The following TMPRSS5 variants were observed in gnomAD, a reference collection of about 807,000 sequenced individuals.
The protein encoded by TMPRSS5 is transmembrane serine protease 5.
In TMPRSS5, 45 loss-of-function variants were observed where a neutral mutation model predicts 59.7. The ratio of observed to expected loss-of-function variants is 0.75; its 90% CI spans 0.59 to 0.97. The LOEUF (loss-of-function observed/expected upper bound fraction) is 0.97. Ranked by LOEUF, TMPRSS5 falls within the 50% of genes least tolerant of loss-of-function variation. The pLI, the probability that TMPRSS5 is intolerant of heterozygous loss-of-function variation, is 0.00. For synonymous variants in TMPRSS5, 225 were observed against 232.0 expected (o/e 0.97, Z 0.27); for missense variants, 585 against 596.7 (o/e 0.98, Z 0.20).
chr11:113,703,328 A>G (rs912444298), intron 1 of TMPRSS5, among the ~76,000 whole-genome samples: 1 of 152,208 alleles, frequency 6.6e-6, no homozygotes, highest in Admixed American at 6.5e-5. Context: ...TATTTTGACC[A>G]ATTTCTCCCA....
intron 5 of TMPRSS5, 145 bp downstream of exon 5, chr11:113,697,138 T>G: frequency 7.7e-7 from 1 of 1,306,210 alleles, no homozygotes; most frequent in Non-Finnish European, 1.1e-6. Context: ...GGCACCATTG[T>G]GCCCAGAGGC....
At chr11:113,690,133 A>G (rs1304698847) in intron 11 of TMPRSS5, 98 bp downstream of exon 11, 1 of 1,454,452 alleles carries the variant, frequency 6.9e-7, no homozygotes, top group Non-Finnish European at 9.2e-7. Context: ...CACCACTGAC[A>G]AGCTCAGACC....
At chr11:113,692,497 T>C (rs1371476092) in intron 9 of TMPRSS5, among the ~76,000 whole-genome samples, 1 of 152,134 alleles carries the variant, frequency 6.6e-6, no homozygotes, top group Non-Finnish European at 1.5e-5. Flanking sequence ...CACGTGTGTG[T>C]CGGGGAGAGT....
chr11:113,692,778 G>A (rs1952818588), intron 9 of TMPRSS5, among the ~76,000 whole-genome samples: 1 of 152,154 alleles, frequency 6.6e-6, no homozygotes, highest in Admixed American at 6.5e-5. Flanking sequence ...GGACAGGGGT[G>A]GAGCAGCCTA....
intron 1 of TMPRSS5, among the ~76,000 whole-genome samples, chr11:113,701,145 A>G (rs1953119198): frequency 6.6e-6 from 1 of 152,250 alleles, no homozygotes; most frequent in Admixed American, 6.5e-5. Context: ...TAGCAGTGTG[A>G]GAACAAACTA....
intron 11 of TMPRSS5, 56 bp downstream of exon 11, chr11:113,690,175 T>TCCCCACCCCCCCCCCCC: frequency 6.3e-6 from 1 of 159,592 alleles, no homozygotes. Flanking sequence ...GCAGGCCCCC[T>TCCCCACCCCCCCCCCCC]GCCCTCCCAC....
At chr11:113,699,272 C>CCCCCCCCCTCTCTCTCCCT (rs1565263847) in intron 3 of TMPRSS5, among the ~76,000 whole-genome samples, 4 of 24,082 alleles carry the variant, frequency 1.7e-4, no homozygotes, top group East Asian at 1.3e-3. Flanking sequence ...TCTCTCTCTC[C>CCCCCCCCCTCTCTCTCCCT]CTCTCTCTCT....
rs1019222102 is a variant in TMPRSS5 at position 113,697,558 on chromosome 11, C to T, written c.329-140G>A. On this transcript the variant is annotated intron_variant, in intron 4 of 12. Transcript: ENST00000299882. ...ATCACCCAGTGCCAAGTTCCCTGCTCCCCGGAGAGTGAGACCAGTCCCAAG... is the reference window on the plus strand; with the variant it reads ...ATCACCCAGTGCCAAGTTCCCTGCTTCCCGGAGAGTGAGACCAGTCCCAAG... 9 of 964,884 alleles carry T rather than the reference C, an allele frequency of 9.3e-6. 1 individual carries two copies. The Admixed American group carries it at 1.2e-4, about 13-fold the overall frequency. The allele number at this position is 964,884 out of a possible 1,614,324, so 59.8% of individuals were successfully genotyped here. A position where few individuals can be genotyped will look rare whatever the true frequency, so the allele number is the denominator to read the frequency against.
chr11:113,689,630 CCACT>C, intron 12 of TMPRSS5, 131 bp downstream of exon 12: 1 of 860,078 alleles, frequency 1.2e-6, no homozygotes, highest in Non-Finnish European at 1.7e-6. Flanking sequence ...ACTTCTTCCT[CCACT>C]CACTCTGGGG....
At chr11:113,703,654 G>A (rs907542497) in intron 1 of TMPRSS5, among the ~76,000 whole-genome samples, 3 of 152,148 alleles carry the variant, frequency 2.0e-5, no homozygotes, top group Non-Finnish European at 4.4e-5. Flanking sequence ...ACTGGGGGAG[G>A]GACCTCATAG....
In TMPRSS5 at chr11:113,699,638, G is replaced by C. The variant is rs61326626; in HGVS notation, c.162C>G (p.Ala54=). ...SMRRGCAVLG[A]LGLLAGAGVG... The stretch of plus-strand genomic sequence containing the variant: ...CACCTGCACCGGCCAGCAGCCCCAG[G>C]GCTCCCAGCACTGCACAGCCACGTC... Residue 54 remains alanine, a synonymous_variant, in exon 3 of 13, where the codon GCC becomes GCG. Transcript: ENST00000299882. 1 of 1,585,986 alleles carries C rather than the reference G, an allele frequency of 6.3e-7. No individual in the cohort carries two copies. The highest frequency in any genetic ancestry group is 1.3e-5 in the African/African-American group (1 of 74,398).
At chr11:113,690,176 G>GGCCACCCCCCCCCCCCCCCCACCC in intron 11 of TMPRSS5, 55 bp downstream of exon 11, 1 of 388,230 alleles carries the variant, frequency 2.6e-6, no homozygotes, top group Non-Finnish European at 4.2e-6. Context: ...CAGGCCCCCT[G>GGCCACCCCCCCCCCCCCCCCACCC]CCCTCCCACC....
rs778653913 is a variant in TMPRSS5, at chr11:113,694,544, C to T, written c.719G>A (p.Arg240Gln). The T allele has an allele frequency of 2.5e-5, 39 of 1,557,442 alleles. No individual in the cohort carries two copies. Among genetic ancestry groups the T allele is most frequent in the South Asian group, 2.5e-4 (21 of 84,366 alleles). Residue 240 changes from arginine (R) to glutamine (Q), a missense_variant, in exon 8 of 13, where the codon CGG becomes CAG. Physicochemically the swap from Arg to Gln is conservative, Grantham distance 43. Coordinates refer to ENST00000299882, the MANE Select transcript of TMPRSS5 (RefSeq NM_030770.4). ...PWQASVALGF[R>Q]HTCGGSVLAP... ...TAGCACAGAGCCCCCACACGTGTGC[C>T]GGAAGCCCAGGGCCACGCTGGCCTG... is the stretch of plus-strand genomic sequence containing the variant.
chr11:113,697,314 GC>G lies in TMPRSS5; in HGVS notation c.432del (p.Leu145CysfsTer18). ...TGCCCAAGGCTCCAGCAGATCTGCAGCCCCAGGGCGGGGCTCCAGCCCTCAT... is the reference window on the plus strand; with the variant it reads ...TGCCCAAGGCTCCAGCAGATCTGCAGCCCAGGGCGGGGCTCCAGCCCTCAT... The part of the protein sequence containing the change: ...VCHEGWSPAL[G>X]LQICWSLGHL... On this transcript the variant is annotated frameshift_variant, in exon 5 of 13. Coordinates refer to ENST00000299882, the MANE Select transcript of TMPRSS5 (RefSeq NM_030770.4). LOFTEE classifies it high-confidence loss of function. 1 of 1,613,240 alleles carries G rather than the reference GC, an allele frequency of 6.2e-7. No homozygotes were observed. The highest frequency in any genetic ancestry group is 8.5e-7 in the Non-Finnish European group (1 of 1,179,314).
In TMPRSS5 at chr11:113,696,886, C is replaced by T. The variant is rs1395804113; in HGVS notation, c.550G>A (p.Gly184Ser). ...EFAQLSPRLG[G>S]FLEEAWQPRN... is the part of the protein sequence containing the mutation. ...GGCTGCCACGCCTCCTCCAGGAAGC[C>T]TCCCAGTCTAGGAGAGAGCTGAGCA... Residue 184 changes from glycine to serine, a missense_variant, in exon 6 of 13, where the codon GGC becomes AGC. Physicochemically the swap from Gly to Ser is moderately conservative, Grantham distance 56 (BLOSUM62 0). Coordinates refer to ENST00000299882, the MANE Select transcript of TMPRSS5 (RefSeq NM_030770.4). 1 of 1,571,368 alleles carries T rather than the reference C, an allele frequency of 6.4e-7. No homozygotes were observed. Among genetic ancestry groups the T allele is most frequent in the African/African-American group, 1.4e-5 (1 of 73,934 alleles).
rs372456255 is a variant in TMPRSS5 at position 113,694,580 on chromosome 11, C to A, written c.683G>T (p.Arg228Leu). The A allele has an allele frequency of 1.3e-6, 2 of 1,556,404 alleles. No individual in the cohort carries two copies. Among genetic ancestry groups the A allele is most frequent in the Non-Finnish European group, 8.7e-7 (1 of 1,150,122 alleles). ...IVGGQSVAPG[R>L]WPWQASVALG... is the part of the protein sequence containing the mutation. Reference sequence around the variant, plus strand: ...GGCCACGCTGGCCTGCCACGGCCAGCGCCCAGGAGCCACAGACTGCCCACC... The same window carrying A: ...GGCCACGCTGGCCTGCCACGGCCAGAGCCCAGGAGCCACAGACTGCCCACC... The change falls in exon 8 of 13, where the codon CGC (arginine) becomes CTC (leucine). Residue 228 changes from arginine to leucine, a missense_variant. Physicochemically the swap from Arg to Leu is moderately radical, Grantham distance 102. Transcript: ENST00000299882.
intron 1 of TMPRSS5, 65 bp from the exon 2 acceptor site, chr11:113,700,233 C>T: frequency 7.3e-7 from 1 of 1,371,468 alleles, no homozygotes; most frequent in Non-Finnish European, 9.8e-7. Context: ...AAGTCACAGC[C>T]CAGTCCAAGT....
Position 113,690,903 on chromosome 11 carries a change from T to C in TMPRSS5, c.1001A>G (p.Gln334Arg), listed in dbSNP as rs1229928046. The part of the protein sequence containing the change: ...VGAVCLPAKE[Q>R]HFPKGSRCWV... The stretch of plus-strand genomic sequence containing the variant: ...GCACCGCGAGCCCTTCGGAAAATGC[T>C]GTTCCTTGGCCGGCAGGCACACAGC... The change falls in exon 10 of 13, where the codon CAG becomes CGG. Residue 334 changes from glutamine (Q) to arginine (R), a missense_variant. Transcript: ENST00000299882. 1.3e-6 allele frequency: 2 copies of C among 1,597,154 alleles called. No individual in the cohort carries two copies. The highest frequency in any genetic ancestry group is 1.3e-5 in the African/African-American group (1 of 74,782).
chr11:113,690,927 G>C lies in TMPRSS5; in HGVS notation c.977C>G (p.Ala326Gly). 6.3e-7 allele frequency: 1 copy of C among 1,588,166 alleles called. No homozygotes were observed. The highest frequency in any genetic ancestry group is 1.2e-5 in the South Asian group (1 of 86,722). The change falls in exon 10 of 13, where the codon GCT becomes GGT. Residue 326 changes from alanine to glycine, a missense_variant. By Grantham distance (60) the Ala-to-Gly change is moderately conservative. Transcript: ENST00000299882. ...TALNFSDTVG[A>G]VCLPAKEQHF... is the part of the protein sequence containing the mutation. ...CTGTTCCTTGGCCGGCAGGCACACA[G>C]CGCCCACAGTGTCTGTAGAGAGGCA...
Sources: gnomAD v4.1 joint callset for allele counts (sites outside exome capture counted in the v4.1 genomes callset) on GRCh38, gnomAD v4.1.1 for gene constraint, MANE v1.5 for transcripts, NCBI Gene and HGNC (gene_info 2026-07-23, HGNC 2026-07-21) for gene names.